Variants in C6 observed in about 807,000 individuals in gnomAD.
The protein encoded by C6 is complement C6.
A neutral mutation model predicts 112.9 loss-of-function variants in C6; 101 were observed. The ratio of observed to expected loss-of-function variants is 0.89; its 90% CI spans 0.76 to 1.06. C6 has a LOEUF of 1.06. C6 is among the 50% of genes least tolerant of loss of function. The probability of loss-of-function intolerance (pLI) is 0.00; values close to 1 mark genes in which losing one functional copy is unlikely to be tolerated. For missense variants in C6, 1,202 were observed against 1,104.6 expected, an observed-to-expected ratio of 1.09 and a Z score of -1.25; for synonymous variants, 431 against 384.1, an observed-to-expected ratio of 1.12 and a Z score of -1.43.
intron 1 of C6, among the ~76,000 whole-genome samples, chr5:41,252,926 G>T (rs112991029): frequency 0.01 from 1,527 of 152,160 alleles, 33 homozygotes; most frequent in African/African-American, 0.035. Flanking sequence ...TGTAACTTTT[G>T]TCTCCTTAAA....
At position 41,176,568 on chromosome 5, in the gene C6, C is replaced by G; in HGVS notation, c.1075G>C (p.Asp359His). ...GTGAAGTAATGAGTCCCAAAGTCAT[C>G]GAATATTCGGCTGTACAAAGCAGAG... Reference protein sequence around the residue: ...YNSALYSRIFDDFGTHYFTSG... With the variant: ...YNSALYSRIFHDFGTHYFTSG... Residue 359 changes from aspartate (D) to histidine (H), a missense_variant, in exon 8 of 18, where the codon GAT becomes CAT. Transcript: ENST00000337836. 6.2e-7 allele frequency: 1 copy of G among 1,613,840 alleles called. No individual in the cohort carries two copies.
chr5:41,208,193 C>G (rs533212202), intron 1 of C6, among the ~76,000 whole-genome samples: 2 of 152,186 alleles, frequency 1.3e-5, no homozygotes, highest in East Asian at 3.9e-4. Flanking sequence ...ACATAACATA[C>G]CAGAATCTCT....
chr5:41,212,794 T>C (rs1450519438), intron 1 of C6: 1 of 152,188 alleles, frequency 6.6e-6, no homozygotes, highest in Non-Finnish European at 1.5e-5. Context: ...GATGATAGCT[T>C]TATGAGCATT....
At chr5:41,158,825 G>T in intron 12 of C6, 40 bp from the exon 13 acceptor site, 1 of 1,144,486 alleles carries the variant, frequency 8.7e-7, no homozygotes, top group Non-Finnish European at 1.3e-6. Flanking sequence ...ATGTATGTAT[G>T]TACACACATT....
At chr5:41,201,820 G>A (rs1751057721) in intron 2 of C6, 106 bp from the exon 3 acceptor site, 1 of 1,099,002 alleles carries the variant, frequency 9.1e-7, no homozygotes, top group Admixed American at 1.8e-5. Context: ...AGAAAAGAAA[G>A]AAAATTTTCA....
chr5:41,190,167 G>C (rs1561148320), intron 5 of C6, among the ~76,000 whole-genome samples: 1 of 152,106 alleles, frequency 6.6e-6, no homozygotes, highest in Non-Finnish European at 1.5e-5. Context: ...GCTGTTTGTA[G>C]TTTTTTTGAG....
intron 1 of C6, among the ~76,000 whole-genome samples, chr5:41,211,325 T>TATGGCAC (rs1227138285): frequency 2.0e-5 from 3 of 151,514 alleles, no homozygotes; most frequent in African/African-American, 7.3e-5. Flanking sequence ...CAACATGGCA[T>TATGGCAC]ATGTATACAT....
chr5:41,192,726 GATGAATCTT>G (rs1750313837), intron 5 of C6, among the ~76,000 whole-genome samples: 1 of 152,006 alleles, frequency 6.6e-6, no homozygotes, highest in South Asian at 2.1e-4. Context: ...TGAGTATTGG[GATGAATCTT>G]AAAAACATTA....
chr5:41,236,711 A>G (rs1380767604), intron 1 of C6, among the ~76,000 whole-genome samples: 3 of 139,796 alleles, frequency 2.1e-5, no homozygotes, highest in Non-Finnish European at 4.6e-5. Flanking sequence ...GCAGAAGGCA[A>G]GAAATAACTA....
chr5:41,159,413 G>C (rs371045156), intron 11 of C6, 160 bp from the exon 12 acceptor site: 12 of 978,792 alleles, frequency 1.2e-5, no homozygotes, highest in Non-Finnish European at 1.5e-5. Context: ...TGTGCAAGGG[G>C]CCTGACACAT....
At chr5:41,172,848 C>G (rs146783205) in intron 8 of C6, among the ~76,000 whole-genome samples, 13 of 152,242 alleles carry the variant, frequency 8.5e-5, no homozygotes, top group African/African-American at 3.1e-4. Context: ...CTGTTTGTCA[C>G]CTAAAATGCA....
At position 41,160,163 on chromosome 5, in the gene C6, G is replaced by C; in HGVS notation, c.1663C>G (p.Gln555Glu). ...TTACTGGATTTATAATCTGGAGACT[G>C]TTTCTCACAGTTCTCACCATAGGTG... Reference protein sequence around the residue: ...SGTYGENCEKQSPDYKSNAVD... With the variant: ...SGTYGENCEKESPDYKSNAVD... The change falls in exon 11 of 18, where the codon CAG becomes GAG. Residue 555 changes from glutamine (Q) to glutamate (E), a missense_variant. Transcript: ENST00000337836. 2 of 1,612,634 alleles carry C rather than the reference G, an allele frequency of 1.2e-6. No homozygotes were observed. Among genetic ancestry groups the C allele is most frequent in the East Asian group, 2.2e-5 (1 of 44,858 alleles).
intron 1 of C6, among the ~76,000 whole-genome samples, chr5:41,243,444 C>G (rs1391682293): frequency 1.3e-5 from 2 of 152,166 alleles, no homozygotes; most frequent in African/African-American, 4.8e-5. Flanking sequence ...ATTCTAGGCT[C>G]TTTAAACTTG....
At chr5:41,223,400 G>A (rs1055126296) in intron 1 of C6, among the ~76,000 whole-genome samples, 5 of 152,212 alleles carry the variant, frequency 3.3e-5, no homozygotes, top group Admixed American at 1.3e-4. Context: ...TTACACAATA[G>A]GCTGGGTGTC....
In C6 at chr5:41,153,829, G is replaced by C. The variant is rs761874799; in HGVS notation, c.2271C>G (p.Asn757Lys). ...ACTCACCTTTTTCACAGGTGAGAGA[G>C]TTTGAAATGGGTGGTGTCCAGGAAT... ...QGNSWTPPIS[N>K]SLTCEKDTLT... Residue 757 changes from asparagine (N) to lysine (K), a missense_variant, in exon 15 of 18, where the codon AAC (asparagine) becomes AAG (lysine). Transcript: ENST00000337836. 2.5e-6 allele frequency: 4 copies of C among 1,613,008 alleles called. No homozygotes were observed. Among genetic ancestry groups the C allele is most frequent in the African/African-American group, 2.7e-5 (2 of 74,888 alleles).
intron 11 of C6, chr5:41,159,601 T>C (rs1049188582): frequency 4.2e-5 from 12 of 285,928 alleles, no homozygotes; most frequent in Admixed American, 1.3e-4. Flanking sequence ...AGAATGCATA[T>C]TAAATTACAC....
intron 12 of C6, 37 bp downstream of exon 12, chr5:41,159,045 G>A: frequency 6.2e-7 from 1 of 1,607,868 alleles, no homozygotes; most frequent in African/African-American, 1.3e-5. Context: ...GAGAGTTAGG[G>A]CAAAATGACC....
At chr5:41,211,656 C>G (rs897712900) in intron 1 of C6, among the ~76,000 whole-genome samples, 2 of 152,044 alleles carry the variant, frequency 1.3e-5, no homozygotes, top group African/African-American at 2.4e-5. Flanking sequence ...ACCCTTGCCC[C>G]CCACTGCCAA....
At chr5:41,217,322 C>T (rs891623235), upstream of C6, among the ~76,000 whole-genome samples, 2 of 152,054 alleles carry the variant, frequency 1.3e-5, no homozygotes, top group African/African-American at 2.4e-5. Context: ...CACTCTTAGT[C>T]CACTTAATAG....
Sources: allele counts gnomAD v4.1 joint callset (sites outside exome capture counted in the v4.1 genomes callset), GRCh38; gene constraint gnomAD v4.1.1; transcripts MANE v1.5; gene names NCBI Gene and HGNC (gene_info 2026-07-23, HGNC 2026-07-21).